Variants in ITIH5 observed in about 807,000 individuals in gnomAD.
The protein encoded by ITIH5 is inter-alpha-trypsin inhibitor heavy chain H5.
Under a neutral mutation model 77.5 loss-of-function variants are expected in ITIH5, and 65 were observed. That is an observed-to-expected ratio of 0.84 (90% CI 0.69 to 1.03). ITIH5 has a LOEUF of 1.03. ITIH5 is among the 50% of genes least tolerant of loss of function. The pLI, the probability that ITIH5 is intolerant of heterozygous loss-of-function variation, is 0.00. For synonymous variants in ITIH5, 525 were observed against 494.3 expected (o/e 1.06, Z -0.82); for missense variants, 1,208 against 1,213.1 (o/e 1.00, Z 0.06).
At chr10:7,597,412 C>T (rs1464037878) in intron 7 of ITIH5, among the ~76,000 whole-genome samples, 1 of 152,200 alleles carries the variant, frequency 6.6e-6, no homozygotes, top group Non-Finnish European at 1.5e-5. Context: ...AAGTTCACAA[C>T]AACAGATTCT....
intron 3 of ITIH5, among the ~76,000 whole-genome samples, chr10:7,641,685 GGAGGGAGGGAGGGAGGGAGGGAGA>G: frequency 1.4e-4 from 3 of 21,704 alleles, no homozygotes; most frequent in East Asian, 1.9e-3. Flanking sequence ...AGGGAAGGAG[GGAGGGAGGGAGGGAGGGAGGGAGA>G]GAGGGAGGGA....
intron 3 of ITIH5, among the ~76,000 whole-genome samples, chr10:7,641,431 C>A (rs1451369406): frequency 1.3e-5 from 2 of 151,838 alleles, no homozygotes; most frequent in Non-Finnish European, 2.9e-5. Flanking sequence ...CTGGTTCTCC[C>A]TACTGGAATT....
chr10:7,629,521 G>GTTGTAGAGTGTGTCCA (rs1554756083), intron 5 of ITIH5, among the ~76,000 whole-genome samples: 2 of 87,240 alleles, frequency 2.3e-5, no homozygotes, highest in African/African-American at 9.9e-5. Context: ...GCGTGTGTCC[G>GTTGTAGAGTGTGTCCA]TGTTGCAGCG....
chr10:7,606,343 G>C (rs1833125983), intron 7 of ITIH5, among the ~76,000 whole-genome samples: 1 of 152,168 alleles, frequency 6.6e-6, no homozygotes, highest in Non-Finnish European at 1.5e-5. Flanking sequence ...CAAAGACATG[G>C]AATCAACCTA....
At chr10:7,595,709 T>C (rs1832881357) in intron 7 of ITIH5, among the ~76,000 whole-genome samples, 1 of 152,146 alleles carries the variant, frequency 6.6e-6, no homozygotes, top group Non-Finnish European at 1.5e-5. Flanking sequence ...AGGCAGGACA[T>C]AAATATAAGT....
chr10:7,610,595 A>C (rs909743165), intron 7 of ITIH5, among the ~76,000 whole-genome samples: 1 of 152,188 alleles, frequency 6.6e-6, no homozygotes, highest in Non-Finnish European at 1.5e-5. Flanking sequence ...CCACATTGCC[A>C]AGCCTGTTGA....
In ITIH5 at chr10:7,559,861, T is replaced by TG. The variant is rs762297733; in HGVS notation, c.*3221dup. The TG allele has an allele frequency of 4.7e-6, 2 of 424,156 alleles. No homozygotes were observed. Among genetic ancestry groups the TG allele is most frequent in the African/African-American group, 6.0e-5 (2 of 33,494 alleles). 26.3% of individuals were successfully genotyped at this position (424,156 alleles called of 1,614,324 possible). On this transcript the variant is annotated 3_prime_UTR_variant, in exon 14 of 14. Coordinates refer to ENST00000397146, the MANE Select transcript of ITIH5 (RefSeq NM_030569.7). ...CCCATGTCTTTTTTTTGTTTTGTTT[T>TG]GTTTTTTTTTGACGGAGTTTGGCTC... is the stretch of plus-strand genomic sequence containing the variant.
At chr10:7,644,550 T>TAC (rs1833951552) in intron 2 of ITIH5, among the ~76,000 whole-genome samples, 1 of 136,286 alleles carries the variant, frequency 7.3e-6, no homozygotes, top group African/African-American at 2.9e-5. Flanking sequence ...ATATATATGA[T>TAC]ATATCACATA....
At chr10:7,660,488 T>C (rs1834258916) in intron 1 of ITIH5, among the ~76,000 whole-genome samples, 1 of 152,190 alleles carries the variant, frequency 6.6e-6, no homozygotes, top group Non-Finnish European at 1.5e-5. Flanking sequence ...AAAGGCTTCC[T>C]TAGGACGAGC....
chr10:7,648,265 G>C (rs1834038200), intron 2 of ITIH5, among the ~76,000 whole-genome samples: 1 of 150,576 alleles, frequency 6.6e-6, no homozygotes, highest in South Asian at 2.1e-4. Context: ...AAAGAACACA[G>C]AGACACCCTG....
rs768940308 is a variant in ITIH5 at position 7,655,611 on chromosome 10, T to G, written c.135+20A>C. On this transcript the variant is annotated intron_variant, in intron 2 of 13. Transcript: ENST00000397146. ...AGAATGAGGGAATGGACTTTCAAGATGCACCATGAATATACCTACCAGCCT... is the reference window on the plus strand; with the variant it reads ...AGAATGAGGGAATGGACTTTCAAGAGGCACCATGAATATACCTACCAGCCT... 9 of 1,597,408 alleles carry G rather than the reference T, an allele frequency of 5.6e-6. No individual in the cohort carries two copies. In the South Asian group the frequency reaches 9.9e-5, roughly 18 times the overall value.
intron 9 of ITIH5, among the ~76,000 whole-genome samples, chr10:7,577,961 T>A (rs920178791): frequency 1.3e-5 from 2 of 152,252 alleles, no homozygotes; most frequent in Non-Finnish European, 2.9e-5. Context: ...CAAATGGCTA[T>A]GTGACTATGT....
At chr10:7,574,213 C>T (rs1019143629) in intron 10 of ITIH5, among the ~76,000 whole-genome samples, 7 of 152,166 alleles carry the variant, frequency 4.6e-5, no homozygotes, top group African/African-American at 7.2e-5. Context: ...CAATATCTTA[C>T]GTCAAATTGT....
rs149139944 is a variant in ITIH5 at position 7,614,977 on chromosome 10, G to T, written c.939+1005C>A. ...AAAAAAATGAAAAAGGCCGGGCATGGTGGCTGATGTCTGTAATCCCAGCAC... is the reference window on the plus strand; with the variant it reads ...AAAAAAATGAAAAAGGCCGGGCATGTTGGCTGATGTCTGTAATCCCAGCAC... On this transcript the variant is annotated intron_variant, in intron 7 of 13. Transcript: ENST00000397146. Among the ~76,000 whole-genome samples, 1,024 of 152,320 alleles carry T rather than the reference G, an allele frequency of 6.7e-3. 13 individuals carry two copies. The highest frequency in any genetic ancestry group is 0.01 in the Non-Finnish European group (698 of 68,020).
chr10:7,613,479 A>G (rs570959973), intron 7 of ITIH5, among the ~76,000 whole-genome samples: 11 of 152,344 alleles, frequency 7.2e-5, no homozygotes, highest in Non-Finnish European at 1.5e-4. Context: ...GACACAGACA[A>G]GTACATGTTT....
At chr10:7,586,120 T>A (rs377206103) in intron 7 of ITIH5, 51 bp from the exon 8 acceptor site, 294 of 1,521,904 alleles carry the variant, frequency 1.9e-4, no homozygotes, top group Middle Eastern at 4.5e-4. Flanking sequence ...ATAAGTCCAC[T>A]TGTCCCCTGT....
chr10:7,627,338 A>T (rs1213284673), intron 5 of ITIH5, among the ~76,000 whole-genome samples: 52 of 117,144 alleles, frequency 4.4e-4, no homozygotes, highest in African/African-American at 1.5e-3. Context: ...AGTAAAAAAA[A>T]AAAAAAAAAA....
intron 7 of ITIH5, among the ~76,000 whole-genome samples, chr10:7,611,652 C>T (rs1833246611): frequency 6.6e-6 from 1 of 151,964 alleles, no homozygotes; most frequent in South Asian, 2.1e-4. Context: ...ATCCTTTGCT[C>T]ATTTTCTTAT....
intron 2 of ITIH5, among the ~76,000 whole-genome samples, chr10:7,649,420 T>C (rs779855851): frequency 1.3e-5 from 2 of 151,962 alleles, no homozygotes; most frequent in Non-Finnish European, 2.9e-5. Flanking sequence ...GCTCTCAAGA[T>C]AGAGGAAAAC....
Sources: gnomAD v4.1 joint callset for allele counts (sites outside exome capture counted in the v4.1 genomes callset) on GRCh38, gnomAD v4.1.1 for gene constraint, MANE v1.5 for transcripts, NCBI Gene and HGNC (gene_info 2026-07-23, HGNC 2026-07-21) for gene names.